Variants in S100Z observed in about 807,000 individuals in gnomAD.
S100Z encodes protein S100-Z.
In S100Z, 11 loss-of-function variants were observed where a neutral mutation model predicts 8.5. That is an observed-to-expected ratio of 1.30 (90% CI 0.82 to 2.15). The LOEUF is 2.15. Ranked by LOEUF, S100Z falls within the 30% of genes most tolerant of loss-of-function variation. The probability of loss-of-function intolerance (pLI) is 0.00; values close to 1 mark genes in which losing one functional copy is unlikely to be tolerated. For missense variants in S100Z, 126 were observed against 117.9 expected (o/e 1.07, Z -0.32); for synonymous variants, 34 against 43.8 (o/e 0.78, Z 0.89).
chr5:76,904,732 A>G (rs1744368738), intron 4 of S100Z, among the ~76,000 whole-genome samples: 1 of 151,758 alleles, frequency 6.6e-6, no homozygotes, highest in Non-Finnish European at 1.5e-5. Flanking sequence ...TTTGGTAGAG[A>G]TGGGGTCTCC....
At chr5:76,933,501 T>C in the S100Z span, among the ~76,000 whole-genome samples, 1 of 152,196 alleles carries the variant, frequency 6.6e-6, no homozygotes. Context: ...GCCCGTGATA[T>C]GCTGCTGAAT....
At chr5:76,863,820 G>C (rs576365015) in intron 1 of S100Z, among the ~76,000 whole-genome samples, 2 of 152,214 alleles carry the variant, frequency 1.3e-5, no homozygotes, top group African/African-American at 4.8e-5. Flanking sequence ...TTACAGGTGT[G>C]AGCCACTGCG....
chr5:76,897,068 T>C (rs976859936), intron 4 of S100Z, among the ~76,000 whole-genome samples: 4 of 152,190 alleles, frequency 2.6e-5, no homozygotes, highest in African/African-American at 7.2e-5. Context: ...CTCTGGTGTA[T>C]AATTTGAAGT....
rs373690126 is a variant in S100Z, at chr5:76,863,789, T to C, written c.-175-6377T>C. Among the ~76,000 whole-genome samples, 849 of 152,252 alleles carry C rather than the reference T, an allele frequency of 5.6e-3. 11 individuals are homozygous for C. The highest frequency in any genetic ancestry group is 0.04 in the South Asian group (191 of 4,824). On this transcript the variant is annotated intron_variant, in intron 1 of 4. Coordinates refer to ENST00000317593, the MANE Select transcript of S100Z (RefSeq NM_130772.4). ...TCCTGACCTTGTGATCCACCCACCT[T>C]GGCCTCCCAAAGTACTGGGATTACA...
chr5:76,871,868 C>T (rs1743021779), intron 2 of S100Z, among the ~76,000 whole-genome samples: 2 of 152,184 alleles, frequency 1.3e-5, no homozygotes, highest in South Asian at 4.1e-4. Flanking sequence ...AGCCCCATAC[C>T]CCTGCCTTTT....
Position 76,902,722 on chromosome 5 carries a change from T to C in S100Z, c.*3-17995T>C, listed in dbSNP as rs937702805. 1.8e-4 allele frequency among the ~76,000 whole-genome samples: 28 copies of C among 152,156 alleles called. No homozygotes were observed. In the South Asian group the frequency reaches 1.9e-3, roughly 10 times the overall value. ...TTGGGGGAGGCAGGATGATTTTCCA[T>C]TCCACCATCTTGGTCTGCCCCCCAC... On this transcript the variant is annotated intron_variant, in intron 4 of 4. Coordinates refer to ENST00000317593, the MANE Select transcript of S100Z (RefSeq NM_130772.4).
At chr5:76,892,079 G>A (rs1021923961) in intron 4 of S100Z, among the ~76,000 whole-genome samples, 13 of 152,136 alleles carry the variant, frequency 8.5e-5, no homozygotes, top group African/African-American at 3.1e-4. Flanking sequence ...TTATTATTAT[G>A]TACCTTCAAT....
intron 4 of S100Z, among the ~76,000 whole-genome samples, chr5:76,912,076 G>A (rs1744682556): frequency 1.0e-5 from 1 of 99,994 alleles, no homozygotes; most frequent in South Asian, 2.4e-4. Flanking sequence ...CTGTTTAAGG[G>A]TAGTTGCGGC....
At chr5:76,884,725 T>G in intron 4 of S100Z, among the ~76,000 whole-genome samples, 1 of 151,640 alleles carries the variant, frequency 6.6e-6, no homozygotes, top group African/African-American at 2.4e-5. Context: ...CCAGACTGGG[T>G]GTGAGGAGGG....
At chr5:76,850,440 C>G (rs1444599882) in intron 1 of S100Z, among the ~76,000 whole-genome samples, 4 of 152,138 alleles carry the variant, frequency 2.6e-5, no homozygotes, top group Non-Finnish European at 4.4e-5. Context: ...TTCATTCTGG[C>G]TCCTTTCCTG....
chr5:76,921,627 A>G lies in S100Z; in HGVS notation c.*913A>G, dbSNP rs1745037763. On this transcript the variant is annotated 3_prime_UTR_variant, in exon 5 of 5. Transcript: ENST00000317593. Reference sequence around the variant, plus strand: ...AAGATTTTAAAAGGAAATGATTACAATAAATACCCAGAGTCAACAATTATC... The same window carrying G: ...AAGATTTTAAAAGGAAATGATTACAGTAAATACCCAGAGTCAACAATTATC... The G allele has an allele frequency of 6.6e-6, 1 of 152,262 alleles. No individual in the cohort carries two copies. Among genetic ancestry groups the G allele is most frequent in the Non-Finnish European group, 1.5e-5 (1 of 68,048 alleles). The allele number at this position is 152,262 out of a possible 1,614,324, so 9.4% of individuals were successfully genotyped here. A position where few individuals can be genotyped will look rare whatever the true frequency, so the allele number is the denominator to read the frequency against.
At chr5:76,871,031 C>A (rs1323010611) in intron 2 of S100Z, among the ~76,000 whole-genome samples, 3 of 152,132 alleles carry the variant, frequency 2.0e-5, no homozygotes, top group Non-Finnish European at 4.4e-5. Flanking sequence ...CAGGGGACCC[C>A]AGAGAAACCT....
intron 2 of S100Z, among the ~76,000 whole-genome samples, 174 bp downstream of exon 2, chr5:76,870,458 A>G (rs1036071122): frequency 1.3e-5 from 2 of 152,166 alleles, no homozygotes; most frequent in Non-Finnish European, 2.9e-5. Context: ...TGAACCCCCA[A>G]GGCCTGTGTA....
At chr5:76,909,983 G>C (rs1429759036) in intron 4 of S100Z, among the ~76,000 whole-genome samples, 2 of 152,120 alleles carry the variant, frequency 1.3e-5, no homozygotes, top group Admixed American at 6.6e-5. Context: ...CCAAAGAAAG[G>C]GACAAATTCC....
intron 1 of S100Z, among the ~76,000 whole-genome samples, chr5:76,864,791 C>T (rs1425880441): frequency 6.6e-6 from 1 of 152,154 alleles, no homozygotes; most frequent in Non-Finnish European, 1.5e-5. Context: ...TCGCTGCAAC[C>T]TCTGCCTCCC....
At chr5:76,908,131 C>CA (rs961859062) in intron 4 of S100Z, among the ~76,000 whole-genome samples, 2 of 152,024 alleles carry the variant, frequency 1.3e-5, no homozygotes, top group African/African-American at 4.8e-5. Flanking sequence ...GACCCTGTCT[C>CA]AAAAAAATTA....
At chr5:76,928,213 C>T in the S100Z span, among the ~76,000 whole-genome samples, 1 of 152,114 alleles carries the variant, frequency 6.6e-6, no homozygotes, top group Non-Finnish European at 1.5e-5. Context: ...TTTGGTCCTC[C>T]ACTTGCAAGG....
At chr5:76,863,420 A>T (rs1006629753) in intron 1 of S100Z, among the ~76,000 whole-genome samples, 1 of 152,224 alleles carries the variant, frequency 6.6e-6, no homozygotes, top group Non-Finnish European at 1.5e-5. Flanking sequence ...GTGAAAAAGG[A>T]GGCCCATTTA....
chr5:76,924,253 C>T (rs1700653), downstream of S100Z, among the ~76,000 whole-genome samples: 78,903 of 152,044 alleles, frequency 0.52, 22,637 homozygotes, highest in Non-Finnish European at 0.65. Context: ...CTGCTCTTTC[C>T]TCCCCTGTGA....
Sources: allele counts gnomAD v4.1 joint callset (sites outside exome capture counted in the v4.1 genomes callset), GRCh38; gene constraint gnomAD v4.1.1; transcripts MANE v1.5; gene names NCBI Gene and HGNC (gene_info 2026-07-23, HGNC 2026-07-21).